The following SGCD variants were observed in gnomAD, a reference collection of about 807,000 sequenced individuals.
SGCD encodes the protein delta-sarcoglycan.
In SGCD, 18 loss-of-function variants were observed where a neutral mutation model predicts 36.6. The ratio of observed to expected loss-of-function variants is 0.49; its 90% CI spans 0.34 to 0.73. The LOEUF is 0.73. Ranked by LOEUF, SGCD falls within the 30% of genes least tolerant of loss-of-function variation. SGCD has a pLI of 0.01. For synonymous variants in SGCD, 133 were observed against 130.6 expected (o/e 1.02, Z -0.12); for missense variants, 387 against 346.7 (o/e 1.12, Z -0.92).
At chr5:155,754,970 C>T in the SGCD span, among the ~76,000 whole-genome samples, 1 of 152,274 alleles carries the variant, frequency 6.6e-6, no homozygotes, top group Non-Finnish European at 1.5e-5. Context: ...AGAGAGGACC[C>T]AAAGAAATGG....
chr5:156,535,001 A>C (rs1054445199), intron 4 of SGCD, among the ~76,000 whole-genome samples: 1 of 152,330 alleles, frequency 6.6e-6, no homozygotes, highest in Non-Finnish European at 1.5e-5. Flanking sequence ...TTCCAGTTGC[A>C]ATGCTCAGTT....
At chr5:156,252,366 T>C (rs2033207) in intron 3 of SGCD, among the ~76,000 whole-genome samples, 120,116 of 152,028 alleles carry the variant, frequency 0.79, 47,871 homozygotes, top group East Asian at 0.92. Flanking sequence ...CGTGAGCCAC[T>C]GTGCCTGGCG....
intron 6 of SGCD, among the ~76,000 whole-genome samples, chr5:156,611,154 G>A (rs1761784278): frequency 6.6e-6 from 1 of 152,220 alleles, no homozygotes; most frequent in Non-Finnish European, 1.5e-5. Context: ...GCTGTAGACT[G>A]GAGCTGTTCC....
intron 3 of SGCD, chr5:156,458,456 C>G (rs1754348317): frequency 1.1e-5 from 17 of 1,610,466 alleles, no homozygotes; most frequent in Non-Finnish European, 1.4e-5. Flanking sequence ...ATTCCCATCC[C>G]CATGGCAGCT....
At chr5:156,523,292 C>T (rs1428781433) in intron 4 of SGCD, among the ~76,000 whole-genome samples, 1 of 152,084 alleles carries the variant, frequency 6.6e-6, no homozygotes, top group African/African-American at 2.4e-5. Context: ...GGCAATTTCC[C>T]TCTCATGAGG....
chr5:155,778,825 A>G, the SGCD span, among the ~76,000 whole-genome samples: 1 of 152,188 alleles, frequency 6.6e-6, no homozygotes, highest in Non-Finnish European at 1.5e-5. Context: ...AGCATATTTT[A>G]TAAACCTTAA....
chr5:156,173,530 T>A (rs1016011886), intron 3 of SGCD, among the ~76,000 whole-genome samples: 10 of 152,100 alleles, frequency 6.6e-5, no homozygotes, highest in African/African-American at 2.4e-4. Flanking sequence ...TGCTGTTACA[T>A]CCAGGGGAAA....
chr5:156,316,262 ATATCTATAC>A (rs1439428502), intron 3 of SGCD, among the ~76,000 whole-genome samples: 3 of 151,978 alleles, frequency 2.0e-5, no homozygotes, highest in African/African-American at 7.2e-5. Flanking sequence ...AGAAAGTGCA[ATATCTATAC>A]ACTGAAAACT....
chr5:156,540,831 A>T (rs900226048), intron 4 of SGCD, among the ~76,000 whole-genome samples: 2 of 152,136 alleles, frequency 1.3e-5, no homozygotes, highest in African/African-American at 4.8e-5. Context: ...TCCCACAAAG[A>T]TGTATTGGGC....
At chr5:156,246,329 T>G (rs10050784) in intron 3 of SGCD, among the ~76,000 whole-genome samples, 267 of 152,296 alleles carry the variant, frequency 1.8e-3, no homozygotes, top group African/African-American at 6.1e-3. Flanking sequence ...GCCACACAGA[T>G]AGTGGCAGGA....
chr5:156,240,923 T>C (rs1047451833), intron 3 of SGCD, among the ~76,000 whole-genome samples: 11 of 152,208 alleles, frequency 7.2e-5, no homozygotes, highest in African/African-American at 2.7e-4. Context: ...AGTTGAAGAA[T>C]GTATAATTTG....
chr5:156,546,789 C>T (rs1399276644), intron 4 of SGCD, among the ~76,000 whole-genome samples: 1 of 152,148 alleles, frequency 6.6e-6, no homozygotes, highest in Non-Finnish European at 1.5e-5. Flanking sequence ...TGACTTGTTA[C>T]AGTGAACCCT....
At chr5:156,586,364 T>C (rs1760495664) in intron 4 of SGCD, among the ~76,000 whole-genome samples, 1 of 152,226 alleles carries the variant, frequency 6.6e-6, no homozygotes, top group African/African-American at 2.4e-5. Flanking sequence ...ATCAACATGA[T>C]ATACCAGTCT....
At chr5:156,749,972 AT>A (rs1016993458) in intron 7 of SGCD, among the ~76,000 whole-genome samples, 1 of 151,988 alleles carries the variant, frequency 6.6e-6, no homozygotes, top group African/African-American at 2.4e-5. Context: ...ACCAAAAAAA[AT>A]GAAATATTTT....
At chr5:155,764,689 A>T in the SGCD span, among the ~76,000 whole-genome samples, 1 of 152,036 alleles carries the variant, frequency 6.6e-6, no homozygotes, top group Non-Finnish European at 1.5e-5. Flanking sequence ...TAGGGTGGGG[A>T]ATTATACTCC....
intron 7 of SGCD, among the ~76,000 whole-genome samples, chr5:156,733,943 G>A (rs780384085): frequency 1.3e-5 from 2 of 151,846 alleles, no homozygotes; most frequent in African/African-American, 2.4e-5. Context: ...ATTCATACAT[G>A]TGTATTTGAT....
Position 155,976,500 on chromosome 5 carries a change from G to A in SGCD, c.-282+106076G>A, listed in dbSNP as rs111821495. ...CCAGCATACCAAGAACGTAACACAG[G>A]CTCATGGCATGCCAGGCACCGTGCT... On this transcript the variant is annotated intron_variant, in intron 1 of 9. Transcript: ENST00000517913. 5.3e-5 allele frequency among the ~76,000 whole-genome samples: 8 copies of A among 152,284 alleles called. 1 individual carries two copies. Among genetic ancestry groups the A allele is most frequent in the African/African-American group, 1.9e-4 (8 of 41,564 alleles).
rs545964005 is a variant in SGCD, at chr5:156,513,885, G to T, written c.294+5183G>T. On this transcript the variant is annotated intron_variant, in intron 4 of 8. Coordinates refer to ENST00000337851, the MANE Select transcript of SGCD (RefSeq NM_000337.6). The stretch of plus-strand genomic sequence containing the variant: ...CAGCTTCTAAGTGGTAAAGTATCAT[G>T]CTGTCCAGAAAAGAGATTGAGAAGG... Among the ~76,000 whole-genome samples, 3 of 152,308 alleles carry T rather than the reference G, an allele frequency of 2.0e-5. No homozygotes were observed. In the South Asian group the frequency reaches 6.2e-4, roughly 32 times the overall value.
chr5:156,757,859 T>A (rs1757401318), intron 8 of SGCD, 155 bp downstream of exon 8: 4 of 1,321,430 alleles, frequency 3.0e-6, no homozygotes, highest in Non-Finnish European at 3.9e-6. Flanking sequence ...GCAGCATGAT[T>A]ATAAGCCAAA....
Sources: gnomAD v4.1 joint callset for allele counts (sites outside exome capture counted in the v4.1 genomes callset) on GRCh38, gnomAD v4.1.1 for gene constraint, MANE v1.5 for transcripts, NCBI Gene and HGNC (gene_info 2026-07-23, HGNC 2026-07-21) for gene names.